STIM1: variants seen among roughly 807,000 people sequenced by gnomAD.
STIM1 encodes the protein stromal interaction molecule 1.
In STIM1, 25 loss-of-function variants were observed where a neutral mutation model predicts 74.7. That is an observed-to-expected ratio of 0.33 (90% CI 0.24 to 0.47). STIM1 has a LOEUF of 0.47. STIM1 is among the 20% of genes least tolerant of loss of function. The pLI, the probability that STIM1 is intolerant of heterozygous loss-of-function variation, is 1.00. For missense variants in STIM1, 728 were observed against 920.8 expected (o/e 0.79, Z 2.71); for synonymous variants, 328 against 348.8 (o/e 0.94, Z 0.66).
At chr11:4,081,642 C>T (rs1323464526) in intron 7 of STIM1, among the ~76,000 whole-genome samples, 1 of 152,240 alleles carries the variant, frequency 6.6e-6, no homozygotes, top group East Asian at 1.9e-4. Context: ...CCTGAGATCA[C>T]CCCTTCACTG....
chr11:3,895,671 T>TTTCTTTCTTTCTTTCTTTCTTCC (rs2092072574), intron 1 of STIM1, among the ~76,000 whole-genome samples: 1 of 43,344 alleles, frequency 2.3e-5, no homozygotes, highest in African/African-American at 1.2e-4. Flanking sequence ...TCTTTCTTTC[T>TTTCTTTCTTTCTTTCTTTCTTCC]TTCCTTCCTT....
At chr11:3,951,006 G>A (rs1349583) in intron 1 of STIM1, among the ~76,000 whole-genome samples, 40,711 of 152,132 alleles carry the variant, frequency 0.27, 6,083 homozygotes, top group South Asian at 0.45. Flanking sequence ...GAGACAGGGC[G>A]AATAGTGAGG....
intron 4 of STIM1, chr11:4,058,737 G>C (rs2094309619): frequency 3.1e-6 from 3 of 957,002 alleles, no homozygotes; most frequent in South Asian, 9.3e-5. Context: ...TCAAATACAA[G>C]CTAACAGGAC....
At chr11:3,857,276 G>A (rs2090423741) in intron 1 of STIM1, among the ~76,000 whole-genome samples, 1 of 151,640 alleles carries the variant, frequency 6.6e-6, no homozygotes, top group South Asian at 2.1e-4. Context: ...TTTTGAGACA[G>A]GGTCTTGATC....
chr11:3,985,727 C>T (rs924133095), intron 2 of STIM1, among the ~76,000 whole-genome samples: 5 of 152,226 alleles, frequency 3.3e-5, no homozygotes, highest in African/African-American at 7.2e-5. Context: ...AAACTTCTGA[C>T]TCTTCCTGTC....
At chr11:4,032,815 A>G (rs1208644111) in intron 3 of STIM1, among the ~76,000 whole-genome samples, 1 of 152,268 alleles carries the variant, frequency 6.6e-6, no homozygotes, top group Non-Finnish European at 1.5e-5. Context: ...TAAAATACAT[A>G]TAACAAAATT....
intron 5 of STIM1, 38 bp from the exon 6 acceptor site, chr11:4,069,987 TG>T: frequency 6.2e-7 from 1 of 1,609,980 alleles, no homozygotes; most frequent in Non-Finnish European, 8.5e-7. Flanking sequence ...AAGTGTGCAG[TG>T]GGCACCCTAA....
In STIM1 at chr11:4,091,715, G is replaced by A. The variant is rs776698533; in HGVS notation, c.2068G>A (p.Gly690Ser). Residue 690 changes from glycine (G) to serine (S), a missense_variant, in exon 13 of 13, where the codon GGC (glycine) becomes AGC (serine). Gly to Ser is a moderately conservative substitution (Grantham distance 56, BLOSUM62 0). Around this residue, in one of 5 missense-constraint regions of STIM1, gnomAD observed 352 missense variants for 370.1 expected, o/e 0.95. Coordinates refer to ENST00000526596, the MANE Select transcript of STIM1 (RefSeq NM_001382567.1). ...GAAGGCTGTGGCTGAGGAGGATAAT[G>A]GCTCTATTGGCGAGGAAACAGACTC... ...GKKAVAEEDN[G>S]SIGEETDSSP... 1 of 1,614,062 alleles carries A rather than the reference G, an allele frequency of 6.2e-7. No individual in the cohort carries two copies. The highest frequency in any genetic ancestry group is 8.5e-7 in the Non-Finnish European group (1 of 1,180,054).
intron 1 of STIM1, among the ~76,000 whole-genome samples, chr11:3,958,707 C>A (rs1306229167): frequency 6.6e-6 from 1 of 152,062 alleles, no homozygotes. Flanking sequence ...CAGTGGCTCA[C>A]ACCTGTAATT....
At chr11:4,033,179 G>A (rs531371260) in intron 3 of STIM1, among the ~76,000 whole-genome samples, 7 of 151,760 alleles carry the variant, frequency 4.6e-5, no homozygotes, top group Admixed American at 6.6e-5. Context: ...GATATGTGGC[G>A]TTATTTCTGA....
chr11:3,889,986 A>C (rs10767679), intron 1 of STIM1, among the ~76,000 whole-genome samples: 51,992 of 152,052 alleles, frequency 0.34, 10,094 homozygotes, highest in South Asian at 0.47. Context: ...TTTTACTCTG[A>C]GACTTCAACT....
intron 2 of STIM1, among the ~76,000 whole-genome samples, chr11:4,007,245 T>C (rs1411749179): frequency 1.3e-5 from 2 of 152,198 alleles, no homozygotes; most frequent in Admixed American, 6.5e-5. Context: ...GGCAGGACTC[T>C]TGGGGAGCCT....
intron 1 of STIM1, among the ~76,000 whole-genome samples, chr11:3,863,914 CTG>C (rs998908021): frequency 3.0e-4 from 46 of 152,226 alleles, no homozygotes; most frequent in African/African-American, 9.4e-4. Context: ...ATGAGTTAAA[CTG>C]TATCATAGGT....
At chr11:3,968,093 C>T (rs1244018795) in intron 2 of STIM1, among the ~76,000 whole-genome samples, 2 of 152,164 alleles carry the variant, frequency 1.3e-5, no homozygotes, top group Non-Finnish European at 2.9e-5. Flanking sequence ...AGATCCTGCC[C>T]TCTGGGAGTT....
chr11:3,982,166 AC>A (rs2093512151), intron 2 of STIM1, among the ~76,000 whole-genome samples: 1 of 122,804 alleles, frequency 8.1e-6, no homozygotes, highest in African/African-American at 2.6e-5. Context: ...AGCTGGGACT[AC>A]AGGTGCACGC....
At chr11:3,938,786 G>T (rs965266819) in intron 1 of STIM1, among the ~76,000 whole-genome samples, 1 of 152,214 alleles carries the variant, frequency 6.6e-6, no homozygotes, top group African/African-American at 2.4e-5. Flanking sequence ...GGCAGAGGTT[G>T]CAGTGAGCCG....
intron 2 of STIM1, among the ~76,000 whole-genome samples, chr11:4,005,426 TG>T (rs1032549014): frequency 1.3e-5 from 2 of 152,158 alleles, no homozygotes; most frequent in Non-Finnish European, 2.9e-5. Flanking sequence ...TCATCTCCTT[TG>T]TAGGGACATG....
At chr11:3,940,621 C>A (rs1042230766) in intron 1 of STIM1, among the ~76,000 whole-genome samples, 1 of 152,044 alleles carries the variant, frequency 6.6e-6, no homozygotes, top group African/African-American at 2.4e-5. Context: ...AAGCAGCATA[C>A]CCCCATGCAC....
intron 2 of STIM1, among the ~76,000 whole-genome samples, chr11:3,982,880 A>C (rs1001371928): frequency 1.3e-5 from 2 of 152,088 alleles, no homozygotes; most frequent in African/African-American, 4.8e-5. Flanking sequence ...AACAATCCTT[A>C]GGGCCCTGTA....
Sources: gnomAD v4.1 joint callset for allele counts (sites outside exome capture counted in the v4.1 genomes callset) on GRCh38, gnomAD v4.1.1 for gene constraint, gnomAD v4.1.1 regional missense constraint, MANE v1.5 for transcripts, NCBI Gene and HGNC (gene_info 2026-07-23, HGNC 2026-07-21) for gene names.